TMTC1: variants seen among roughly 807,000 people sequenced by gnomAD.
The protein encoded by TMTC1 is transmembrane O-mannosyltransferase targeting cadherins 1.
A neutral mutation model predicts 104.8 loss-of-function variants in TMTC1; 73 were observed. The ratio of observed to expected loss-of-function variants is 0.70; its 90% CI spans 0.58 to 0.85. TMTC1 has a LOEUF of 0.85. Among genes scored for constraint, TMTC1 ranks in the 40% least tolerant of loss-of-function variants. TMTC1 has a pLI of 0.00. For synonymous variants in TMTC1, 434 were observed against 428.7 expected, an observed-to-expected ratio of 1.01 and a Z score of -0.15; for missense variants, 1,035 against 1,096.1, an observed-to-expected ratio of 0.94 and a Z score of 0.79.
In TMTC1 at chr12:29,506,992, GGT is replaced by G; in HGVS notation, c.2509-8_2509-7del. The G allele has an allele frequency of 4.3e-6, 7 of 1,612,350 alleles. No individual in the cohort carries two copies. The highest frequency in any genetic ancestry group is 5.1e-6 in the Non-Finnish European group (6 of 1,178,504). ...CTTGCAGACACATATTTTCCCTGGG[GGT>G]GGGAAAGAGGGAGCAATTACATTCT... is the stretch of plus-strand genomic sequence containing the variant. On this transcript the variant is annotated splice_polypyrimidine_tract_variant and splice_region_variant and intron_variant, in intron 17 of 17. Coordinates refer to ENST00000539277, the MANE Select transcript of TMTC1 (RefSeq NM_001193451.2).
intron 8 of TMTC1, among the ~76,000 whole-genome samples, chr12:29,575,432 G>A (rs56367916): frequency 0.12 from 17,853 of 151,840 alleles, 1,298 homozygotes; most frequent in African/African-American, 0.2. Context: ...TGTTAAAGCC[G>A]TTGGGGAAGT....
chr12:29,670,280 T>C (rs1449495926), intron 5 of TMTC1, among the ~76,000 whole-genome samples: 3 of 152,204 alleles, frequency 2.0e-5, no homozygotes, highest in Non-Finnish European at 2.9e-5. Context: ...ACTAGTGAAA[T>C]ACATTTCCTG....
chr12:29,620,614 G>A (rs1304294659), intron 6 of TMTC1, among the ~76,000 whole-genome samples: 1 of 152,206 alleles, frequency 6.6e-6, no homozygotes, highest in East Asian at 1.9e-4. Context: ...ATTTTATAAT[G>A]AGGTACAGAT....
At chr12:29,746,757 C>T (rs534523990) in intron 5 of TMTC1, among the ~76,000 whole-genome samples, 57 of 152,152 alleles carry the variant, frequency 3.7e-4, no homozygotes, top group African/African-American at 1.3e-3. Flanking sequence ...ATTTGTACAC[C>T]TATGTGCAAG....
At chr12:29,683,602 T>A (rs2136724577) in intron 5 of TMTC1, among the ~76,000 whole-genome samples, 1 of 152,326 alleles carries the variant, frequency 6.6e-6, no homozygotes, top group South Asian at 2.1e-4. Context: ...ATGGTCTCTC[T>A]TGCCACAGCA....
chr12:29,758,190 A>G (rs761896722), intron 3 of TMTC1, among the ~76,000 whole-genome samples: 3 of 152,174 alleles, frequency 2.0e-5, no homozygotes, highest in Non-Finnish European at 4.4e-5. Flanking sequence ...CAGTTTCCCA[A>G]TGCAAAAAAC....
intron 1 of TMTC1, among the ~76,000 whole-genome samples, chr12:29,776,142 C>A (rs540190712): frequency 6.6e-6 from 1 of 152,022 alleles, no homozygotes. Context: ...TAGTGAGAAC[C>A]CCCTATAATT....
intron 1 of TMTC1, among the ~76,000 whole-genome samples, chr12:29,776,466 T>G (rs1393968297): frequency 4.6e-5 from 7 of 152,250 alleles, no homozygotes; most frequent in Non-Finnish European, 8.8e-5. Flanking sequence ...CCAAGCAGAC[T>G]TTTTCTCTAC....
At chr12:29,730,995 C>T (rs150034637) in intron 5 of TMTC1, among the ~76,000 whole-genome samples, 2 of 152,276 alleles carry the variant, frequency 1.3e-5, no homozygotes, top group African/African-American at 4.8e-5. Flanking sequence ...GTGGGTACTA[C>T]ATATTCTTGA....
intron 1 of TMTC1, among the ~76,000 whole-genome samples, chr12:29,781,216 G>T (rs1419049431): frequency 2.0e-5 from 3 of 152,144 alleles, no homozygotes; most frequent in Admixed American, 6.6e-5. Flanking sequence ...TTCTGAAGAG[G>T]CAGTTATCTC....
intron 15 of TMTC1, among the ~76,000 whole-genome samples, chr12:29,515,334 T>G (rs760726954): frequency 6.6e-6 from 1 of 152,030 alleles, no homozygotes; most frequent in Non-Finnish European, 1.5e-5. Context: ...GTTCCTCCTC[T>G]CCACAAAAAC....
At chr12:29,714,136 T>A (rs1942012549) in intron 5 of TMTC1, among the ~76,000 whole-genome samples, 1 of 152,214 alleles carries the variant, frequency 6.6e-6, no homozygotes. Flanking sequence ...TCTTTATAAA[T>A]TACCCAGTCT....
intron 5 of TMTC1, among the ~76,000 whole-genome samples, chr12:29,686,147 A>G (rs1369527244): frequency 6.6e-6 from 1 of 152,134 alleles, no homozygotes; most frequent in African/African-American, 2.4e-5. Flanking sequence ...ACTACATGTG[A>G]CATTGTTCAT....
Position 29,726,593 on chromosome 12 carries a change from C to T in TMTC1, c.938+25073G>A, listed in dbSNP as rs139260287. 4.5e-3 allele frequency among the ~76,000 whole-genome samples: 678 copies of T among 152,320 alleles called. 5 individuals are homozygous for T. The highest frequency in any genetic ancestry group is 7.9e-3 in the Non-Finnish European group (536 of 68,026). Reference sequence around the variant, plus strand: ...AGGAGGGCAACCAACCCTAGACTCTCTTCAGTTGTTTGGGAATTAGATCTG... The same window carrying T: ...AGGAGGGCAACCAACCCTAGACTCTTTTCAGTTGTTTGGGAATTAGATCTG... On this transcript the variant is annotated intron_variant, in intron 5 of 17. Coordinates refer to ENST00000539277, the MANE Select transcript of TMTC1 (RefSeq NM_001193451.2).
intron 6 of TMTC1, among the ~76,000 whole-genome samples, chr12:29,619,541 CCT>C (rs1451537049): frequency 6.6e-6 from 1 of 152,186 alleles, no homozygotes; most frequent in African/African-American, 2.4e-5. Context: ...TGTTCCAACC[CCT>C]GATACTGAGG....
intron 5 of TMTC1, 87 bp from the exon 6 acceptor site, chr12:29,633,423 C>CT: frequency 9.3e-7 from 1 of 1,075,334 alleles, no homozygotes; most frequent in Non-Finnish European, 1.3e-6. Context: ...TATTAAATAG[C>CT]ATTTCTACCC....
intron 9 of TMTC1, chr12:29,569,112 G>T (rs778375223): frequency 5.0e-6 from 2 of 403,674 alleles, no homozygotes; most frequent in Non-Finnish European, 1.0e-5. Flanking sequence ...AACTGAATAC[G>T]TGACCTTAGA....
At chr12:29,695,888 T>C (rs1941411133) in intron 5 of TMTC1, among the ~76,000 whole-genome samples, 1 of 148,292 alleles carries the variant, frequency 6.7e-6, no homozygotes, top group South Asian at 2.1e-4. Context: ...CTAGGACCTA[T>C]TGAGAAAATA....
chr12:29,760,876 T>C (rs1943329802), intron 2 of TMTC1, among the ~76,000 whole-genome samples: 1 of 148,668 alleles, frequency 6.7e-6, no homozygotes, highest in Non-Finnish European at 1.5e-5. Flanking sequence ...ATATACTATA[T>C]GTATAATGTA....
Sources: allele counts gnomAD v4.1 joint callset (sites outside exome capture counted in the v4.1 genomes callset), GRCh38; gene constraint gnomAD v4.1.1; transcripts MANE v1.5; gene names NCBI Gene and HGNC (gene_info 2026-07-23, HGNC 2026-07-21).